ZNF599: variants seen among roughly 807,000 people sequenced by gnomAD.
ZNF599 encodes the protein zinc finger protein 599.
Under a neutral mutation model 11.7 loss-of-function variants are expected in ZNF599, and 10 were observed. That is an observed-to-expected ratio of 0.86 (90% CI 0.53 to 1.45). ZNF599 has a LOEUF of 1.45. Ranked by LOEUF, ZNF599 falls within the 40% of genes most tolerant of loss-of-function variation. The pLI is 0.00. For missense variants in ZNF599, 688 were observed against 713.6 expected, an observed-to-expected ratio of 0.96 and a Z score of 0.41; for synonymous variants, 232 against 253.2, an observed-to-expected ratio of 0.92 and a Z score of 0.79.
At chr19:34,777,393 T>C (rs1451398708), upstream of ZNF599, among the ~76,000 whole-genome samples, 6 of 90,424 alleles carry the variant, frequency 6.6e-5, no homozygotes, top group East Asian at 1.4e-3. Context: ...AATTAATATA[T>C]AATATATATT....
the ZNF599 span, among the ~76,000 whole-genome samples, chr19:34,795,744 G>A: frequency 4.6e-5 from 7 of 152,196 alleles, no homozygotes; most frequent in African/African-American, 1.7e-4. Context: ...AGGGAGGCCT[G>A]GAGTCCACTT....
the ZNF599 span, among the ~76,000 whole-genome samples, chr19:34,798,379 T>C: frequency 2.6e-5 from 4 of 152,210 alleles, no homozygotes; most frequent in African/African-American, 9.7e-5. Context: ...GTATCTATAT[T>C]AACTTAAACA....
the ZNF599 span, among the ~76,000 whole-genome samples, chr19:34,803,054 A>C: frequency 6.6e-6 from 1 of 152,176 alleles, no homozygotes; most frequent in African/African-American, 2.4e-5. Flanking sequence ...AGCTAGAGGA[A>C]GGGGGCAGAA....
chr19:34,761,034 A>G (rs1485586606), intron 3 of ZNF599, among the ~76,000 whole-genome samples: 1 of 152,152 alleles, frequency 6.6e-6, no homozygotes, highest in Non-Finnish European at 1.5e-5. Flanking sequence ...AGACAGAGGA[A>G]TTAGGAGGGA....
chr19:34,779,243 C>CTTTTTTTTTTTT, the ZNF599 span, among the ~76,000 whole-genome samples: 1 of 57,310 alleles, frequency 1.7e-5, no homozygotes, highest in Non-Finnish European at 3.1e-5. Flanking sequence ...CCATGCCCAG[C>CTTTTTTTTTTTT]TTTTTTTTTT....
intron 2 of ZNF599, 44 bp from the exon 3 acceptor site, chr19:34,767,455 CA>C (rs2069152161): frequency 6.6e-7 from 1 of 1,524,862 alleles, no homozygotes; most frequent in Admixed American, 1.7e-5. Context: ...CAGGGAAAGA[CA>C]AAAAGAAAAG....
At chr19:34,771,315 TTATGAGC>T (rs1209474915) in intron 1 of ZNF599, among the ~76,000 whole-genome samples, 1 of 152,158 alleles carries the variant, frequency 6.6e-6, no homozygotes, top group Admixed American at 6.5e-5. Flanking sequence ...TTTCTGTTAC[TTATGAGC>T]TATGCAACCT....
the ZNF599 span, among the ~76,000 whole-genome samples, chr19:34,801,476 C>T: frequency 6.6e-6 from 1 of 152,250 alleles, no homozygotes; most frequent in Non-Finnish European, 1.5e-5. Context: ...GGTTTTCCCA[C>T]ATTCACAGAA....
chr19:34,777,375 T>A (rs1250869257), upstream of ZNF599, among the ~76,000 whole-genome samples: 1 of 89,134 alleles, frequency 1.1e-5, no homozygotes, highest in African/African-American at 4.9e-5. Context: ...TATTATATAT[T>A]ATATATTAAT....
At chr19:34,784,095 G>A in the ZNF599 span, among the ~76,000 whole-genome samples, 2 of 152,236 alleles carry the variant, frequency 1.3e-5, no homozygotes, top group African/African-American at 4.8e-5. Context: ...AGAGCTAGAA[G>A]TCTGAAATGA....
intron 3 of ZNF599, chr19:34,765,788 G>A: frequency 1.5e-6 from 1 of 663,562 alleles, no homozygotes; most frequent in Non-Finnish European, 2.7e-6. Flanking sequence ...AGTGGATGCA[G>A]ATATAACACA....
At position 34,772,858 on chromosome 19, in the gene ZNF599, G is replaced by T; in HGVS notation, c.-17C>A. The T allele has an allele frequency of 6.9e-7, 1 of 1,458,494 alleles. No homozygotes were observed. The highest frequency in any genetic ancestry group is 9.0e-7 in the Non-Finnish European group (1 of 1,110,060). 90.3% of individuals were successfully genotyped at this position (1,458,494 alleles called of 1,614,324 possible). A position where few individuals can be genotyped will look rare whatever the true frequency, so the allele number is the denominator to read the frequency against. On this transcript the variant is annotated 5_prime_UTR_variant, in exon 1 of 4. Transcript: ENST00000329285. ...CGCCGCCATGGGCCCAGGGGGCTGG[G>T]TGAGGCCGTGAGAGTCGGCGAGGAA... is the stretch of plus-strand genomic sequence containing the variant.
the ZNF599 span, among the ~76,000 whole-genome samples, chr19:34,803,721 G>A: frequency 6.6e-6 from 1 of 152,120 alleles, no homozygotes; most frequent in African/African-American, 2.4e-5. Context: ...GGCCTGCCAC[G>A]CAGGGCCCCA....
At chr19:34,793,535 A>G in the ZNF599 span, among the ~76,000 whole-genome samples, 1 of 152,246 alleles carries the variant, frequency 6.6e-6, no homozygotes, top group Admixed American at 6.5e-5. Flanking sequence ...CTTTTCACAA[A>G]TCAGTTTCCA....
At chr19:34,777,407 T>TTA (rs2069224179), upstream of ZNF599, among the ~76,000 whole-genome samples, 13 of 94,202 alleles carry the variant, frequency 1.4e-4, no homozygotes, top group African/African-American at 5.6e-4. Flanking sequence ...ATATATTATA[T>TTA]ATAATATATA....
the ZNF599 span, among the ~76,000 whole-genome samples, chr19:34,803,039 A>T: frequency 6.6e-6 from 1 of 152,190 alleles, no homozygotes; most frequent in Admixed American, 6.5e-5. Flanking sequence ...ACATGGGGAT[A>T]TATTAGCTAG....
chr19:34,760,059 G>C lies in ZNF599; in HGVS notation c.742C>G (p.Leu248Val). ...TTGTATGGTTTTTCCCCAGTATGAA[G>C]CCTCATATGTCGAATGACATCAGCC... ...YMADVIRHMR[L>V]HTGEKPYKCI... Residue 248 changes from leucine (L) to valine (V), a missense_variant, in exon 4 of 4, where the codon CTT (leucine) becomes GTT (valine). Physicochemically the swap from Leu to Val is conservative, Grantham distance 32. Coordinates refer to ENST00000329285, the MANE Select transcript of ZNF599 (RefSeq NM_001007248.3). 6.2e-7 allele frequency: 1 copy of C among 1,613,802 alleles called. No homozygotes were observed. Among genetic ancestry groups the C allele is most frequent in the Non-Finnish European group, 8.5e-7 (1 of 1,179,944 alleles).
rs141799024 is a variant in ZNF599, at chr19:34,758,775, C to A, written c.*259G>T. 1.5e-3 allele frequency: 517 copies of A among 355,162 alleles called. 2 individuals are homozygous for A. The highest frequency in any genetic ancestry group is 1.0e-2 in the African/African-American group (479 of 47,986). 22.0% of individuals were successfully genotyped at this position (355,162 alleles called of 1,614,324 possible). Reference sequence around the variant, plus strand: ...ATGCATGTTAACCACCAGGTCTCTCCCCTCGATTATTCTCAGGTACAGTGT... The same window carrying A: ...ATGCATGTTAACCACCAGGTCTCTCACCTCGATTATTCTCAGGTACAGTGT... On this transcript the variant is annotated 3_prime_UTR_variant, in exon 4 of 4. Coordinates refer to ENST00000329285, the MANE Select transcript of ZNF599 (RefSeq NM_001007248.3).
chr19:34,765,657 G>A (rs1334291741), intron 3 of ZNF599: 1 of 702,990 alleles, frequency 1.4e-6, no homozygotes, highest in Non-Finnish European at 2.6e-6. Flanking sequence ...GGATAAGTCA[G>A]ATGAACATGA....
Sources: allele counts gnomAD v4.1 joint callset (sites outside exome capture counted in the v4.1 genomes callset), GRCh38; gene constraint gnomAD v4.1.1; transcripts MANE v1.5; gene names NCBI Gene and HGNC (gene_info 2026-07-23, HGNC 2026-07-21).